ZFAND3: variants seen among roughly 807,000 people sequenced by gnomAD.
ZFAND3 encodes AN1-type zinc finger protein 3.
ZFAND3 carries 10 observed loss-of-function variants against 29.6 expected under a neutral mutation model. The observed-to-expected ratio is 0.34, with a 90% confidence interval of 0.21 to 0.57. ZFAND3 has a LOEUF of 0.57. Among genes scored for constraint, ZFAND3 ranks in the 20% least tolerant of loss-of-function variants. The probability of loss-of-function intolerance (pLI) is 0.86; values close to 1 mark genes in which losing one functional copy is unlikely to be tolerated. For missense variants in ZFAND3, 230 were observed against 304.5 expected (o/e 0.76, Z 1.82); for synonymous variants, 128 against 112.6 (o/e 1.14, Z -0.87).
rs543097857 is a variant in ZFAND3 at position 37,979,555 on chromosome 6, A to G, written c.112+49556A>G. On this transcript the variant is annotated intron_variant, in intron 2 of 5. Coordinates refer to ENST00000287218, the MANE Select transcript of ZFAND3 (RefSeq NM_021943.3). ...TAGAGTTAATTGTTCTCTACTTCCA[A>G]GATAAAACCTTCTTGAGTACTCTAT... Among the ~76,000 whole-genome samples, 130 of 152,290 alleles carry G rather than the reference A, an allele frequency of 8.5e-4. 1 individual carries two copies. Among genetic ancestry groups the G allele is most frequent in the African/African-American group, 3.1e-3 (129 of 41,556 alleles).
intron 1 of ZFAND3, among the ~76,000 whole-genome samples, chr6:37,917,323 C>T (rs924432909): frequency 3.3e-5 from 5 of 152,270 alleles, no homozygotes; most frequent in South Asian, 2.1e-4. Context: ...CCAATTGCGA[C>T]GTCCCACCTT....
At chr6:37,924,731 G>T (rs1761450552) in intron 1 of ZFAND3, among the ~76,000 whole-genome samples, 1 of 151,726 alleles carries the variant, frequency 6.6e-6, no homozygotes, top group African/African-American at 2.4e-5. Flanking sequence ...TATAGTGGGA[G>T]GATGGCTTGA....
At chr6:38,135,758 A>T (rs1450562249) in intron 5 of ZFAND3, among the ~76,000 whole-genome samples, 3 of 150,326 alleles carry the variant, frequency 2.0e-5, no homozygotes, top group Non-Finnish European at 4.5e-5. Context: ...TAAAAAAAAA[A>T]CAAACAAAAA....
At chr6:38,053,733 G>GATT (rs1322864107) in intron 2 of ZFAND3, among the ~76,000 whole-genome samples, 6 of 152,156 alleles carry the variant, frequency 3.9e-5, no homozygotes, top group Non-Finnish European at 5.9e-5. Context: ...GAATCTTATA[G>GATT]ATGATGATGG....
rs936551896 is a variant in ZFAND3, at chr6:38,134,707, G to A, written c.530-17528G>A. 3.3e-5 allele frequency among the ~76,000 whole-genome samples: 5 copies of A among 152,316 alleles called. No individual in the cohort carries two copies. In the East Asian group the frequency reaches 9.6e-4, roughly 29 times the overall value. ...CTGGAAAGTGCTTTTTACCTAAGCA[G>A]ACCAAAGTCCTGATAAGACCACATG... is the stretch of plus-strand genomic sequence containing the variant. On this transcript the variant is annotated intron_variant, in intron 5 of 5. Coordinates refer to ENST00000287218, the MANE Select transcript of ZFAND3 (RefSeq NM_021943.3).
chr6:37,831,098 C>T (rs1763852213), intron 1 of ZFAND3, among the ~76,000 whole-genome samples: 1 of 152,132 alleles, frequency 6.6e-6, no homozygotes, highest in African/African-American at 2.4e-5. Flanking sequence ...GAATCAAAGA[C>T]GTGAGTTTAC....
chr6:38,084,306 A>G (rs1764718487), intron 4 of ZFAND3, among the ~76,000 whole-genome samples: 1 of 152,242 alleles, frequency 6.6e-6, no homozygotes, highest in South Asian at 2.1e-4. Context: ...TTTCAGATCT[A>G]AGCTTAGCCA....
At chr6:37,953,650 G>A (rs747249475) in intron 2 of ZFAND3, among the ~76,000 whole-genome samples, 2 of 151,816 alleles carry the variant, frequency 1.3e-5, no homozygotes, top group Non-Finnish European at 2.9e-5. Flanking sequence ...CAGGGTCTCA[G>A]TATATTTCCC....
intron 2 of ZFAND3, among the ~76,000 whole-genome samples, chr6:38,047,974 T>G (rs969559190): frequency 1.5e-5 from 1 of 65,238 alleles, no homozygotes; most frequent in East Asian, 7.1e-3. Context: ...GTTTTTTTTG[T>G]TTTTTTTTTT....
At position 37,896,514 on chromosome 6, in the gene ZFAND3, T is replaced by TTTTCTTTCTTTCTTTCTTTCTTTCTTTC. The variant is rs58666227; in HGVS notation, c.72-33415_72-33388dup. 8.2e-4 allele frequency among the ~76,000 whole-genome samples: 89 copies of TTTTCTTTCTTTCTTTCTTTCTTTCTTTC among 109,174 alleles called. 1 individual carries two copies. Among genetic ancestry groups the TTTTCTTTCTTTCTTTCTTTCTTTCTTTC allele is most frequent in the Admixed American group, 1.2e-3 (12 of 10,230 alleles). The allele number at this position is 109,174 out of a possible 152,430, so 71.6% of individuals were successfully genotyped here. ...GGTGTCTTAATTTTTTTCCTCTTTCTTTTCTTTCTTTCTTTCTTTCTTTCT... is the reference window on the plus strand; with the variant it reads ...GGTGTCTTAATTTTTTTCCTCTTTCTTTTCTTTCTTTCTTTCTTTCTTTCTTTCTTTCTTTCTTTCTTTCTTTCTTTCT... On this transcript the variant is annotated intron_variant, in intron 1 of 5. Coordinates refer to ENST00000287218, the MANE Select transcript of ZFAND3 (RefSeq NM_021943.3).
intron 2 of ZFAND3, among the ~76,000 whole-genome samples, chr6:37,997,775 C>T (rs1332387948): frequency 6.6e-6 from 1 of 152,102 alleles, no homozygotes. Flanking sequence ...AATGTTTATT[C>T]GATTTAGTAG....
At chr6:37,938,778 G>C (rs1439127965) in intron 2 of ZFAND3, among the ~76,000 whole-genome samples, 1 of 152,160 alleles carries the variant, frequency 6.6e-6, no homozygotes, top group Non-Finnish European at 1.5e-5. Flanking sequence ...TGATGATGAT[G>C]TTATGGAAAT....
intron 2 of ZFAND3, among the ~76,000 whole-genome samples, chr6:38,038,641 A>ATT (rs549008106): frequency 4.0e-5 from 6 of 151,716 alleles, no homozygotes; most frequent in Admixed American, 3.9e-4. Context: ...GCTTTATTTT[A>ATT]TTTTTTTTAA....
intron 3 of ZFAND3, among the ~76,000 whole-genome samples, chr6:38,077,552 G>A (rs1208351116): frequency 1.3e-5 from 2 of 152,140 alleles, no homozygotes; most frequent in African/African-American, 4.8e-5. Context: ...TTTGATTATT[G>A]TGCTTCTGGC....
chr6:37,951,391 G>A (rs1761995415), intron 2 of ZFAND3, among the ~76,000 whole-genome samples: 1 of 152,056 alleles, frequency 6.6e-6, no homozygotes, highest in Admixed American at 6.5e-5. Context: ...AGGAGATTGA[G>A]GCCATCCTGG....
chr6:38,088,501 A>G (rs774522816), intron 4 of ZFAND3: 3 of 152,352 alleles, frequency 2.0e-5, no homozygotes, highest in Non-Finnish European at 4.4e-5. Context: ...ACTACAGTCA[A>G]TAATAACTTA....
intron 2 of ZFAND3, among the ~76,000 whole-genome samples, chr6:38,046,995 C>A (rs1371206673): frequency 6.6e-6 from 1 of 151,918 alleles, no homozygotes; most frequent in African/African-American, 2.4e-5. Flanking sequence ...GTGTACTGAT[C>A]TAGTATTATA....
rs1439323471 is a variant in ZFAND3 at position 37,883,051 on chromosome 6, T to C, written c.72-46908T>C. ...CTGGGCAACATAGTGAGACCCCTTC[T>C]CTACAAAAAAATTTAAAAACAATTA... On this transcript the variant is annotated intron_variant, in intron 1 of 5. Coordinates refer to ENST00000287218, the MANE Select transcript of ZFAND3 (RefSeq NM_021943.3). Among the ~76,000 whole-genome samples, 10 of 152,188 alleles carry C rather than the reference T, an allele frequency of 6.6e-5. No individual in the cohort carries two copies. In the East Asian group the frequency reaches 1.5e-3, roughly 23 times the overall value.
intron 4 of ZFAND3, among the ~76,000 whole-genome samples, chr6:38,102,901 C>T (rs1471050199): frequency 3.3e-5 from 5 of 152,026 alleles, no homozygotes; most frequent in South Asian, 2.1e-4. Context: ...GGACTACAGG[C>T]GCGTGCCACC....
Sources: allele counts gnomAD v4.1 joint callset (sites outside exome capture counted in the v4.1 genomes callset), GRCh38; gene constraint gnomAD v4.1.1; transcripts MANE v1.5; gene names NCBI Gene and HGNC (gene_info 2026-07-23, HGNC 2026-07-21).